OR2L13: variants seen among roughly 807,000 people sequenced by gnomAD.
OR2L13 encodes olfactory receptor 2L13.
A neutral mutation model predicts 15.3 loss-of-function variants in OR2L13; 14 were observed. The ratio of observed to expected loss-of-function variants is 0.91; its 90% CI spans 0.60 to 1.43. OR2L13 has a LOEUF of 1.43. OR2L13 is among the 40% of genes most tolerant of loss of function. The probability of loss-of-function intolerance (pLI) is 0.00; values close to 1 mark genes in which losing one functional copy is unlikely to be tolerated. For missense variants in OR2L13, 367 were observed against 387.9 expected, an observed-to-expected ratio of 0.95 and a Z score of 0.45; for synonymous variants, 152 against 142.9, an observed-to-expected ratio of 1.06 and a Z score of -0.45.
At chr1:248,092,627 C>A (rs1250331501), upstream of OR2L13, among the ~76,000 whole-genome samples, 1 of 152,206 alleles carries the variant, frequency 6.6e-6, no homozygotes, top group East Asian at 1.9e-4. Flanking sequence ...GCCTCACAGT[C>A]TTCTTAGAAG....
upstream of OR2L13, among the ~76,000 whole-genome samples, chr1:248,096,863 T>A (rs957669811): frequency 1.3e-5 from 2 of 152,218 alleles, no homozygotes; most frequent in African/African-American, 4.8e-5. Flanking sequence ...GAGGAATAAG[T>A]AGCCCCCTTT....
chr1:248,019,286 T>C, the OR2L13 span, among the ~76,000 whole-genome samples: 3 of 152,230 alleles, frequency 2.0e-5, no homozygotes, highest in East Asian at 5.8e-4. Flanking sequence ...CTATTGTAAG[T>C]CAAGGAGCAT....
the OR2L13 span, among the ~76,000 whole-genome samples, chr1:248,053,912 G>T: frequency 1.3e-5 from 2 of 152,144 alleles, no homozygotes; most frequent in Admixed American, 6.5e-5. Context: ...TAGGTTATCT[G>T]TTCATTCTGG....
At chr1:248,048,389 C>G in the OR2L13 span, among the ~76,000 whole-genome samples, 2 of 152,170 alleles carry the variant, frequency 1.3e-5, no homozygotes, top group African/African-American at 4.8e-5. Flanking sequence ...ACATTATGTA[C>G]TGTGTCTCTT....
chr1:247,991,049 C>G, the OR2L13 span: 6 of 1,564,262 alleles, frequency 3.8e-6, no homozygotes, highest in East Asian at 1.3e-4. Context: ...TATCTACGCC[C>G]AAGATCCCTG....
At chr1:247,998,273 C>T in the OR2L13 span, among the ~76,000 whole-genome samples, 4 of 152,006 alleles carry the variant, frequency 2.6e-5, no homozygotes, top group African/African-American at 9.7e-5. Flanking sequence ...GGTTTTGCAG[C>T]TAATTCATAA....
At chr1:248,099,686 T>C (rs760845063) in exon 3 of OR2L13, 1 of 1,614,186 alleles carries the variant, frequency 6.2e-7, no homozygotes, top group East Asian at 2.2e-5. Context: ...TTCTTCTTCC[T>C]GACCATGGCG....
the OR2L13 span, among the ~76,000 whole-genome samples, chr1:247,977,195 A>T: frequency 3.3e-5 from 5 of 152,160 alleles, no homozygotes; most frequent in African/African-American, 1.2e-4. Context: ...TCTATGTTCA[A>T]ATTATTCATA....
At chr1:248,032,368 C>G in the OR2L13 span, among the ~76,000 whole-genome samples, 1 of 151,960 alleles carries the variant, frequency 6.6e-6, no homozygotes, top group African/African-American at 2.4e-5. Flanking sequence ...ATAAGATAAA[C>G]TGCACCATTT....
At chr1:248,075,001 T>C in the OR2L13 span, among the ~76,000 whole-genome samples, 1 of 152,170 alleles carries the variant, frequency 6.6e-6, no homozygotes, top group Admixed American at 6.5e-5. Context: ...TAGGTATTTC[T>C]CCTAATGCTG....
the OR2L13 span, among the ~76,000 whole-genome samples, chr1:248,009,295 AAGAG>A: frequency 6.6e-6 from 1 of 152,218 alleles, no homozygotes; most frequent in Non-Finnish European, 1.5e-5. Flanking sequence ...TAAAGAAGAA[AAGAG>A]AGAAGAATAA....
the OR2L13 span, chr1:248,004,137 T>C: frequency 2.3e-6 from 3 of 1,284,136 alleles, no homozygotes; most frequent in Non-Finnish European, 3.2e-6. Flanking sequence ...GTAATTAAAA[T>C]ATCATTTCAT....
At chr1:248,078,691 C>G in the OR2L13 span, among the ~76,000 whole-genome samples, 1 of 152,032 alleles carries the variant, frequency 6.6e-6, no homozygotes, top group African/African-American at 2.4e-5. Context: ...TGGACCTTCA[C>G]TTGTAATAGC....
At chr1:247,948,442 T>C in the OR2L13 span, among the ~76,000 whole-genome samples, 1 of 151,950 alleles carries the variant, frequency 6.6e-6, no homozygotes, top group African/African-American at 2.4e-5. Context: ...AATTTACATA[T>C]TTCTCAGAAA....
chr1:248,015,676 A>G, the OR2L13 span, among the ~76,000 whole-genome samples: 1 of 152,176 alleles, frequency 6.6e-6, no homozygotes, highest in Non-Finnish European at 1.5e-5. Context: ...AAAATCTGGT[A>G]AAGTGTGGCT....
chr1:248,008,150 T>TA, the OR2L13 span, among the ~76,000 whole-genome samples: 101 of 152,262 alleles, frequency 6.6e-4, no homozygotes, highest in African/African-American at 2.3e-3. Flanking sequence ...AAATAGCACT[T>TA]ACAACCAGAG....
At chr1:247,988,368 A>G in the OR2L13 span, among the ~76,000 whole-genome samples, 5,889 of 151,936 alleles carry the variant, frequency 0.039, 351 homozygotes, top group African/African-American at 0.13. Context: ...TCCAAGAGTC[A>G]TTTATCGTTA....
the OR2L13 span, among the ~76,000 whole-genome samples, chr1:248,011,731 T>A: frequency 2.0e-5 from 3 of 152,290 alleles, no homozygotes; most frequent in South Asian, 6.2e-4. Context: ...TCAAGACTTA[T>A]TCAACCCTTT....
the OR2L13 span, chr1:248,004,025 G>A: frequency 3.1e-6 from 5 of 1,613,092 alleles, no homozygotes; most frequent in South Asian, 2.2e-5. Context: ...GGTGATGGGG[G>A]CCCTGACACG....
Sources: gnomAD v4.1 joint callset for allele counts (sites outside exome capture counted in the v4.1 genomes callset) on GRCh38, gnomAD v4.1.1 for gene constraint, MANE v1.5 for transcripts, NCBI Gene and HGNC (gene_info 2026-07-23, HGNC 2026-07-21) for gene names.